CUX1: variants seen among roughly 807,000 people sequenced by gnomAD.
The protein encoded by CUX1 is cut like homeobox 1, also known as protein CASP.
A neutral mutation model predicts 158.8 loss-of-function variants in CUX1; 31 were observed. The observed-to-expected ratio is 0.20, with a 90% CI of 0.15 to 0.26. CUX1 has a LOEUF of 0.26. Among genes scored for constraint, CUX1 ranks in the 10% least tolerant of loss-of-function variants. The pLI is 1.00. For missense variants in CUX1, 1,589 were observed against 2,014.6 expected (o/e 0.79, Z 4.04); for synonymous variants, 879 against 862.1 (o/e 1.02, Z -0.34).
chr7:102,230,451 C>G (rs957648902), intron 21 of CUX1, among the ~76,000 whole-genome samples: 2 of 148,944 alleles, frequency 1.3e-5, no homozygotes, highest in Non-Finnish European at 3.0e-5. Context: ...CATCACTGCA[C>G]TCCAGCCTGG....
intron 2 of CUX1, among the ~76,000 whole-genome samples, chr7:101,974,940 A>G (rs1186595633): frequency 6.6e-6 from 1 of 152,082 alleles, no homozygotes; most frequent in East Asian, 1.9e-4. Context: ...TTCTTTGCCA[A>G]TTTGGCATCA....
intron 20 of CUX1, among the ~76,000 whole-genome samples, chr7:102,216,598 C>CA (rs1797136947): frequency 1.4e-3 from 40 of 29,196 alleles, no homozygotes; most frequent in African/African-American, 3.5e-3. Context: ...ACACACACTC[C>CA]CACACACACA....
chr7:102,141,367 G>A (rs1834442280), intron 8 of CUX1, among the ~76,000 whole-genome samples: 1 of 152,078 alleles, frequency 6.6e-6, no homozygotes, highest in African/African-American at 2.4e-5. Flanking sequence ...AGGGAATTGT[G>A]GACAAATCTA....
rs33994794 is a variant in CUX1 at position 102,034,751 on chromosome 7, C to CA, written c.189+6623dup. Among the ~76,000 whole-genome samples, 371 of 117,906 alleles carry CA rather than the reference C, an allele frequency of 3.1e-3. 17 individuals carry two copies. The highest frequency in any genetic ancestry group is 0.018 in the South Asian group (65 of 3,522). 77.4% of individuals were successfully genotyped at this position (117,906 alleles called of 152,430 possible). ...CTGGTGACAGAGAGAGACTCCGTCT[C>CA]AAAAAAAAAAAAAAAAATACAAAAA... On this transcript the variant is annotated intron_variant, in intron 3 of 23. Transcript: ENST00000292535.
At chr7:101,902,647 C>G (rs896789457) in intron 1 of CUX1, among the ~76,000 whole-genome samples, 1 of 152,154 alleles carries the variant, frequency 6.6e-6, no homozygotes, top group South Asian at 2.1e-4. Flanking sequence ...TTCTCTGTGC[C>G]GGATGCAGCT....
chr7:102,051,410 G>T (rs1217735879), intron 3 of CUX1, among the ~76,000 whole-genome samples: 1 of 151,880 alleles, frequency 6.6e-6, no homozygotes, highest in African/African-American at 2.4e-5. Context: ...CACTTTGAGA[G>T]ACTGACGCGG....
intron 1 of CUX1, among the ~76,000 whole-genome samples, chr7:101,915,344 A>G (rs1804059416): frequency 6.6e-6 from 1 of 152,060 alleles, no homozygotes; most frequent in Non-Finnish European, 1.5e-5. Flanking sequence ...TGTTGCGGGG[A>G]GCAGAGCCCA....
At chr7:101,944,777 C>G (rs1808177286) in intron 2 of CUX1, among the ~76,000 whole-genome samples, 1 of 152,146 alleles carries the variant, frequency 6.6e-6, no homozygotes, top group Non-Finnish European at 1.5e-5. Context: ...ATGCTGCAGA[C>G]CTGCAGCGGT....
intron 2 of CUX1, among the ~76,000 whole-genome samples, chr7:101,978,179 CTATATT>C (rs1351519694): frequency 1.3e-5 from 2 of 152,116 alleles, no homozygotes; most frequent in Non-Finnish European, 2.9e-5. Flanking sequence ...AGGATGGCGT[CTATATT>C]TATATTAACC....
At chr7:102,029,288 T>G (rs555106781) in intron 3 of CUX1, among the ~76,000 whole-genome samples, 7 of 152,112 alleles carry the variant, frequency 4.6e-5, no homozygotes, top group Non-Finnish European at 8.8e-5. Context: ...CCACTGTGCC[T>G]GGCAGGGATT....
At chr7:101,990,657 G>A (rs1191179070) in intron 2 of CUX1, among the ~76,000 whole-genome samples, 1 of 151,774 alleles carries the variant, frequency 6.6e-6, no homozygotes, top group African/African-American at 2.4e-5. Context: ...GATTACAGGT[G>A]TGAGTCACCG....
At chr7:102,205,926 G>C (rs1300266998) in intron 20 of CUX1, among the ~76,000 whole-genome samples, 3 of 152,164 alleles carry the variant, frequency 2.0e-5, no homozygotes, top group African/African-American at 7.2e-5. Context: ...ACTTGGAGCT[G>C]AGCTTTTCAC....
chr7:102,272,568 C>G (rs1249528582), intron 14 of CUX1, among the ~76,000 whole-genome samples: 1 of 152,022 alleles, frequency 6.6e-6, no homozygotes, highest in Non-Finnish European at 1.5e-5. Flanking sequence ...CTGAGCCGCA[C>G]AGTCAACCAG....
At chr7:102,076,097 C>G (rs1826685122) in intron 4 of CUX1, among the ~76,000 whole-genome samples, 1 of 151,760 alleles carries the variant, frequency 6.6e-6, no homozygotes, top group Non-Finnish European at 1.5e-5. Context: ...ATTAAAGACA[C>G]AAAGGCCAGG....
intron 23 of CUX1, among the ~76,000 whole-genome samples, chr7:102,245,233 T>C (rs1800679679): frequency 6.6e-6 from 1 of 152,076 alleles, no homozygotes; most frequent in Non-Finnish European, 1.5e-5. Context: ...TCTGTAGAGA[T>C]GGGGTTTTGC....
intron 1 of CUX1, among the ~76,000 whole-genome samples, chr7:101,914,572 C>T (rs985104057): frequency 9.2e-5 from 14 of 151,502 alleles, no homozygotes; most frequent in Non-Finnish European, 1.8e-4. Flanking sequence ...GATCTCGGCT[C>T]ACTGCAACCT....
chr7:101,860,131 T>C (rs1267396570), intron 1 of CUX1, among the ~76,000 whole-genome samples: 1 of 152,050 alleles, frequency 6.6e-6, no homozygotes, highest in Non-Finnish European at 1.5e-5. Context: ...AAGGCCCAGA[T>C]TAGTAGCAGA....
chr7:102,165,176 C>A (rs1193691557), intron 9 of CUX1, among the ~76,000 whole-genome samples: 1 of 152,060 alleles, frequency 6.6e-6, no homozygotes, highest in Non-Finnish European at 1.5e-5. Context: ...CCCCACCAGG[C>A]TGCAGCTGGC....
At chr7:101,873,323 C>T (rs1459247914) in intron 1 of CUX1, among the ~76,000 whole-genome samples, 1 of 142,358 alleles carries the variant, frequency 7.0e-6, no homozygotes, top group African/African-American at 2.6e-5. Context: ...GCTATTTTTC[C>T]TAATGCTATC....
Sources: gnomAD v4.1 joint callset for allele counts (sites outside exome capture counted in the v4.1 genomes callset) on GRCh38, gnomAD v4.1.1 for gene constraint, MANE v1.5 for transcripts, NCBI Gene and HGNC (gene_info 2026-07-23, HGNC 2026-07-21) for gene names.